The following LOC128706666 variants were observed in gnomAD, a reference collection of about 807,000 sequenced individuals.
chr20:10,414,309 AG>A, the LOC128706666 span, among the ~76,000 whole-genome samples: 1 of 134,776 alleles, frequency 7.4e-6, no homozygotes, highest in Non-Finnish European at 1.5e-5. Context: ...CTTGTTGCCC[AG>A]GCTGGAGTGC....
chr20:10,433,726 T>C, the LOC128706666 span, among the ~76,000 whole-genome samples: 63 of 151,928 alleles, frequency 4.1e-4, no homozygotes, highest in African/African-American at 1.2e-3. Flanking sequence ...GGGTACACCG[T>C]GCACCCTCCA....
At chr20:10,434,117 A>T in the LOC128706666 span, 1 of 150,940 alleles carries the variant, frequency 6.6e-6, no homozygotes, top group African/African-American at 2.4e-5. Flanking sequence ...CCTGCGCACC[A>T]GCCGTCGCGC....
the LOC128706666 span, among the ~76,000 whole-genome samples, chr20:10,430,989 C>A: frequency 6.6e-6 from 1 of 152,146 alleles, no homozygotes; most frequent in Non-Finnish European, 1.5e-5. Flanking sequence ...TAGTTATGGT[C>A]TTGGACAAAT....
At chr20:10,432,894 C>T in the LOC128706666 span, among the ~76,000 whole-genome samples, 2 of 150,540 alleles carry the variant, frequency 1.3e-5, no homozygotes, top group African/African-American at 4.9e-5. Flanking sequence ...ATACCTAATA[C>T]AACGTTAAAT....
chr20:10,422,775 G>A, the LOC128706666 span, among the ~76,000 whole-genome samples: 19 of 150,558 alleles, frequency 1.3e-4, no homozygotes, highest in Admixed American at 2.7e-4. Context: ...GCAGTGGTGC[G>A]ATCTCAGCTC....
chr20:10,414,691 C>T, the LOC128706666 span, among the ~76,000 whole-genome samples: 1 of 152,120 alleles, frequency 6.6e-6, no homozygotes, highest in African/African-American at 2.4e-5. Flanking sequence ...GCATTTATAT[C>T]AAGTCATGTT....
At chr20:10,414,076 T>C in the LOC128706666 span, 8 of 368,470 alleles carry the variant, frequency 2.2e-5, no homozygotes, top group Non-Finnish European at 3.3e-5. Flanking sequence ...ATGAGAAAGG[T>C]AGACCAACTT....
the LOC128706666 span, among the ~76,000 whole-genome samples, chr20:10,427,039 C>CAG: frequency 0.023 from 1,761 of 77,638 alleles, 72 homozygotes; most frequent in African/African-American, 0.05. Flanking sequence ...GACACACACA[C>CAG]ACACACACAC....
the LOC128706666 span, among the ~76,000 whole-genome samples, chr20:10,433,011 A>G: frequency 5.3e-3 from 805 of 152,188 alleles, 2 homozygotes; most frequent in Non-Finnish European, 7.2e-3. Context: ...GAATGTTTTT[A>G]TTTATTTATT....
the LOC128706666 span, among the ~76,000 whole-genome samples, chr20:10,420,279 C>A: frequency 6.6e-6 from 1 of 151,964 alleles, no homozygotes; most frequent in South Asian, 2.1e-4. Flanking sequence ...CATTCATGAT[C>A]CTGGTGATGC....
chr20:10,433,754 G>A, the LOC128706666 span, among the ~76,000 whole-genome samples: 1 of 152,090 alleles, frequency 6.6e-6, no homozygotes, highest in Non-Finnish European at 1.5e-5. Context: ...AGGGGCACAC[G>A]GGGCCCCTCC....
chr20:10,429,305 T>C, the LOC128706666 span, among the ~76,000 whole-genome samples: 1 of 152,196 alleles, frequency 6.6e-6, no homozygotes, highest in East Asian at 1.9e-4. Flanking sequence ...TGTTCCTTCT[T>C]AGTCTCCTTT....
the LOC128706666 span, among the ~76,000 whole-genome samples, chr20:10,416,114 G>A: frequency 6.6e-6 from 1 of 152,150 alleles, no homozygotes; most frequent in East Asian, 1.9e-4. Flanking sequence ...TAGACGAATG[G>A]TCCTGACTAT....
chr20:10,422,015 T>C, the LOC128706666 span, among the ~76,000 whole-genome samples: 1 of 152,222 alleles, frequency 6.6e-6, no homozygotes, highest in South Asian at 2.1e-4. Flanking sequence ...CTAAATGCCA[T>C]TAGAAAAAGG....
chr20:10,426,430 C>T, the LOC128706666 span, among the ~76,000 whole-genome samples: 1 of 152,170 alleles, frequency 6.6e-6, no homozygotes, highest in African/African-American at 2.4e-5. Flanking sequence ...TTTTTTGGGA[C>T]AGTCTCACTC....
chr20:10,432,766 C>T, the LOC128706666 span, among the ~76,000 whole-genome samples: 2 of 123,108 alleles, frequency 1.6e-5, no homozygotes, highest in South Asian at 2.7e-4. Flanking sequence ...CTTCAGCCTG[C>T]GCGACAGAGC....
At chr20:10,420,452 C>G in the LOC128706666 span, 1 of 152,278 alleles carries the variant, frequency 6.6e-6, no homozygotes, top group East Asian at 1.9e-4. Context: ...TTTTCCTTGC[C>G]AGAGATCTAA....
At chr20:10,430,431 G>A in the LOC128706666 span, among the ~76,000 whole-genome samples, 387 of 151,696 alleles carry the variant, frequency 2.6e-3, 12 homozygotes, top group East Asian at 0.068. Context: ...CTTTGTCTGG[G>A]CTCAGTAATT....
the LOC128706666 span, among the ~76,000 whole-genome samples, chr20:10,433,386 T>G: frequency 6.6e-5 from 10 of 152,200 alleles, no homozygotes; most frequent in Non-Finnish European, 8.8e-5. Context: ...TTCTCCCCCA[T>G]CACTAGAACA....
Sources: gnomAD v4.1 joint callset for allele counts (sites outside exome capture counted in the v4.1 genomes callset) on GRCh38, gnomAD v4.1.1 for gene constraint, MANE v1.5 for transcripts.